The following FANCM variants were observed in gnomAD, a reference collection of about 807,000 sequenced individuals.
The protein encoded by FANCM is Fanconi anemia group M protein.
A neutral mutation model predicts 199.5 loss-of-function variants in FANCM; 140 were observed. The ratio of observed to expected loss-of-function variants is 0.70; its 90% CI spans 0.61 to 0.81. The LOEUF (loss-of-function observed/expected upper bound fraction) is 0.81. Ranked by LOEUF, FANCM falls within the 30% of genes least tolerant of loss-of-function variation. FANCM has a pLI of 0.00. For missense variants in FANCM, 2,410 were observed against 2,421.4 expected (o/e 1.00, Z 0.10); for synonymous variants, 840 against 836.8 (o/e 1.00, Z -0.07).
chr14:45,195,702 C>A, intron 20 of FANCM: 1 of 331,458 alleles, frequency 3.0e-6, no homozygotes, highest in Admixed American at 3.8e-5. Flanking sequence ...TTTTTACAAA[C>A]ATGTTAGTTT....
chr14:45,142,680 C>T (rs182681526), intron 3 of FANCM, among the ~76,000 whole-genome samples: 36 of 151,890 alleles, frequency 2.4e-4, no homozygotes, highest in Middle Eastern at 3.4e-3. Context: ...GTAGAATATC[C>T]CTCAATTTGG....
chr14:45,188,441 A>G (rs1045908638), intron 19 of FANCM, among the ~76,000 whole-genome samples: 1 of 152,172 alleles, frequency 6.6e-6, no homozygotes, highest in African/African-American at 2.4e-5. Context: ...TCACTTATGG[A>G]TAACATTTTC....
At chr14:45,171,331 T>G (rs1214119970) in intron 12 of FANCM, among the ~76,000 whole-genome samples, 2 of 152,124 alleles carry the variant, frequency 1.3e-5, no homozygotes, top group Non-Finnish European at 2.9e-5. Flanking sequence ...AACCATTTTT[T>G]TTTTAAATTT....
rs1162937269 is a variant in FANCM at position 45,155,435 on chromosome 14, A to G, written c.1372A>G (p.Ile458Val). The stretch of plus-strand genomic sequence containing the variant: ...GTTAAAGAAATTAGAAGAAGTTGTA[A>G]TTGAACACTTCAAGTCATGGAATGG... ...PKLKKLEEVV[I>V]EHFKSWNAEN... The change falls in exon 8 of 23, where the codon ATT (isoleucine) becomes GTT (valine). Residue 458 changes from isoleucine (I) to valine (V), a missense_variant. By Grantham distance (29) the Ile-to-Val change is conservative. Transcript: ENST00000267430. 6.7e-7 allele frequency: 1 copy of G among 1,492,306 alleles called. No individual in the cohort carries two copies. Among genetic ancestry groups the G allele is most frequent in the African/African-American group, 1.4e-5 (1 of 72,726 alleles). The allele number at this position is 1,492,306 out of a possible 1,614,324, so 92.4% of individuals were successfully genotyped here.
chr14:45,173,241 G>C (rs1446449268), intron 13 of FANCM, 31 bp downstream of exon 13: 2 of 1,592,094 alleles, frequency 1.3e-6, no homozygotes, highest in Admixed American at 3.3e-5. Context: ...TCTCTTGCTG[G>C]TATGATAGTA....
chr14:45,166,292 C>T (rs142254192), intron 10 of FANCM, among the ~76,000 whole-genome samples: 92 of 151,928 alleles, frequency 6.1e-4, no homozygotes, highest in Non-Finnish European at 1.3e-3. Flanking sequence ...CCACCATGCC[C>T]GGCTAATTTT....
intron 14 of FANCM, among the ~76,000 whole-genome samples, chr14:45,179,278 G>A (rs1888910286): frequency 6.6e-6 from 1 of 152,028 alleles, no homozygotes; most frequent in South Asian, 2.1e-4. Context: ...GATTTTTAAG[G>A]AGGTCTTAAC....
In FANCM at chr14:45,199,862, T is replaced by C. The variant is rs771830638; in HGVS notation, c.6009-8T>C. 1.9e-6 allele frequency: 3 copies of C among 1,611,072 alleles called. No homozygotes were observed. Among genetic ancestry groups the C allele is most frequent in the Non-Finnish European group, 2.5e-6 (3 of 1,177,932 alleles). On this transcript the variant is annotated splice_polypyrimidine_tract_variant and splice_region_variant and intron_variant, in intron 22 of 22. Coordinates refer to ENST00000267430, the MANE Select transcript of FANCM (RefSeq NM_020937.4). The stretch of plus-strand genomic sequence containing the variant: ...TAGTGTAATGATTTTGTCTCATTTA[T>C]TTTTCAGCTCACTTCAAGAAATCTC...
chr14:45,163,639 C>T (rs1012552713), intron 9 of FANCM, among the ~76,000 whole-genome samples: 10 of 152,156 alleles, frequency 6.6e-5, no homozygotes, highest in African/African-American at 2.4e-4. Flanking sequence ...AACATTCTTA[C>T]AAATATTATA....
In FANCM at chr14:45,175,858, C is replaced by T; in HGVS notation, c.3104C>T (p.Thr1035Ile). The T allele has an allele frequency of 6.2e-7, 1 of 1,613,832 alleles. No homozygotes were observed. The highest frequency in any genetic ancestry group is 8.5e-7 in the Non-Finnish European group (1 of 1,179,904). ...GAGCATTTACGAAGTGATAAATGCA[C>T]CTGTTTGCTGTCACATTCAGCTGTG... ...CAEHLRSDKC[T>I]CLLSHSAVNS... Residue 1035 changes from threonine to isoleucine, a missense_variant, in exon 14 of 23, where the codon ACC becomes ATC. Coordinates refer to ENST00000267430, the MANE Select transcript of FANCM (RefSeq NM_020937.4).
chr14:45,155,062 T>A (rs189394049), intron 7 of FANCM, among the ~76,000 whole-genome samples: 5 of 152,308 alleles, frequency 3.3e-5, no homozygotes, highest in Middle Eastern at 3.4e-3. Flanking sequence ...ATATAACAGA[T>A]GTTGGTAATT....
intron 13 of FANCM, among the ~76,000 whole-genome samples, chr14:45,173,870 A>T (rs907839314): frequency 2.0e-5 from 3 of 152,202 alleles, no homozygotes; most frequent in African/African-American, 7.2e-5. Flanking sequence ...TTAGCCTTTG[A>T]TCATGCATAC....
chr14:45,136,970 G>T, intron 1 of FANCM, 99 bp from the exon 2 acceptor site: 1 of 920,128 alleles, frequency 1.1e-6, no homozygotes, highest in Non-Finnish European at 1.7e-6. Context: ...TTCTCTTAAT[G>T]TTACCAAAGC....
intron 13 of FANCM, among the ~76,000 whole-genome samples, chr14:45,174,548 C>T (rs987921728): frequency 1.8e-4 from 28 of 152,018 alleles, no homozygotes; most frequent in African/African-American, 4.8e-4. Context: ...ATTCACTATA[C>T]GAATCCTTGA....
At chr14:45,171,754 CTGAT>C (rs1888357764) in intron 12 of FANCM, among the ~76,000 whole-genome samples, 1 of 151,290 alleles carries the variant, frequency 6.6e-6, no homozygotes, top group Non-Finnish European at 1.5e-5. Flanking sequence ...TATCCACTCA[CTGAT>C]TGATGGGCAT....
intron 1 of FANCM, 66 bp from the exon 2 acceptor site, chr14:45,137,003 A>G: frequency 8.1e-7 from 1 of 1,235,498 alleles, no homozygotes; most frequent in Non-Finnish European, 1.2e-6. Context: ...TGAAAAAGCC[A>G]GACTATTTAT....
chr14:45,183,368 A>G (rs1439453497), intron 16 of FANCM, among the ~76,000 whole-genome samples: 1 of 152,166 alleles, frequency 6.6e-6, no homozygotes, highest in Non-Finnish European at 1.5e-5. Flanking sequence ...TCTTAGTTTC[A>G]AATGATTCCT....
rs117713809 is a variant in FANCM, at chr14:45,177,962, C to G, written c.4222+986C>G. Reference sequence around the variant, plus strand: ...TTCTGTAATCTAACCATTACACTTACAGAAAAACTAGATGATATAGTGATA... The same window carrying G: ...TTCTGTAATCTAACCATTACACTTAGAGAAAAACTAGATGATATAGTGATA... On this transcript the variant is annotated intron_variant, in intron 14 of 22. Transcript: ENST00000267430. 6.8e-3 allele frequency among the ~76,000 whole-genome samples: 1,035 copies of G among 152,204 alleles called. 4 individuals carry two copies. The highest frequency in any genetic ancestry group is 0.012 in the Non-Finnish European group (789 of 68,006).
intron 8 of FANCM, among the ~76,000 whole-genome samples, chr14:45,156,677 TGA>T (rs1887211595): frequency 2.6e-5 from 4 of 152,090 alleles, no homozygotes; most frequent in Non-Finnish European, 5.9e-5. Flanking sequence ...CCCAGCACTG[TGA>T]GAGGCCGAGG....
Sources: allele counts gnomAD v4.1 joint callset (sites outside exome capture counted in the v4.1 genomes callset), GRCh38; gene constraint gnomAD v4.1.1; transcripts MANE v1.5; gene names NCBI Gene and HGNC (gene_info 2026-07-23, HGNC 2026-07-21).